TACC1: variants seen among roughly 807,000 people sequenced by gnomAD.
TACC1 encodes transforming acidic coiled-coil containing protein 1.
A neutral mutation model predicts 84.4 loss-of-function variants in TACC1; 48 were observed. That is an observed-to-expected ratio of 0.57 (90% CI 0.45 to 0.72). The LOEUF is 0.72. Ranked by LOEUF, TACC1 falls within the 30% of genes least tolerant of loss-of-function variation. The pLI is 0.00. For synonymous variants in TACC1, 372 were observed against 376.3 expected (o/e 0.99, Z 0.13); for missense variants, 920 against 973.0 (o/e 0.95, Z 0.72).
intron 2 of TACC1, among the ~76,000 whole-genome samples, chr8:38,809,465 T>C (rs1479324700): frequency 6.6e-6 from 1 of 152,076 alleles, no homozygotes; most frequent in African/African-American, 2.4e-5. Flanking sequence ...TTGGACGGCT[T>C]TGCCCCATCA....
intron 2 of TACC1, among the ~76,000 whole-genome samples, chr8:38,807,258 C>T (rs1169772736): frequency 6.6e-6 from 1 of 152,164 alleles, no homozygotes; most frequent in Non-Finnish European, 1.5e-5. Flanking sequence ...TTCCCATCTT[C>T]TAATCATGCA....
At chr8:38,768,300 C>G (rs1419601635) in intron 3 of TACC1, among the ~76,000 whole-genome samples, 1 of 152,128 alleles carries the variant, frequency 6.6e-6, no homozygotes, top group African/African-American at 2.4e-5. Flanking sequence ...CTTCTGCAGT[C>G]GTTCAGTGCT....
In TACC1 at chr8:38,820,651, C is replaced by G; in HGVS notation, c.1391+16C>G. ...GTTTAATAACGTGAGTGACAGTGGG[C>G]GCTGGGTGTCGTGCTCTGTGTCTTG... is the stretch of plus-strand genomic sequence containing the variant. On this transcript the variant is annotated intron_variant, in intron 3 of 12. Transcript: ENST00000317827. The G allele has an allele frequency of 6.3e-7, 1 of 1,590,150 alleles. No homozygotes were observed.
Position 38,851,729 on chromosome 8 carries a change from T to C in TACC1, c.*3706T>C, listed in dbSNP as rs950659008. ...GTTGTTAGGAAGATAGAAACTAGGT[T>C]TTGAAAGATTACATGATTCAAGCGA... On this transcript the variant is annotated 3_prime_UTR_variant, in exon 13 of 13. Coordinates refer to ENST00000317827, the MANE Select transcript of TACC1 (RefSeq NM_006283.3). 15 of 319,696 alleles carry C rather than the reference T, an allele frequency of 4.7e-5. No individual in the cohort carries two copies. The highest frequency in any genetic ancestry group is 2.6e-4 in the African/African-American group (12 of 46,204). The allele number at this position is 319,696 out of a possible 1,614,324, so 19.8% of individuals were successfully genotyped here. A position where few individuals can be genotyped will look rare whatever the true frequency, so the allele number is the denominator to read the frequency against.
At chr8:38,842,145 C>G (rs1588144330) in intron 9 of TACC1, 142 bp from the exon 10 acceptor site, 2 of 933,732 alleles carry the variant, frequency 2.1e-6, no homozygotes, top group East Asian at 2.5e-5. Flanking sequence ...CCACGCGTCT[C>G]CCCCAACTAG....
At chr8:38,732,186 G>GGAAA (rs1805084936) in intron 1 of TACC1, among the ~76,000 whole-genome samples, 1 of 127,084 alleles carries the variant, frequency 7.9e-6, no homozygotes, top group Non-Finnish European at 1.7e-5. Flanking sequence ...GGAAGGAAGA[G>GGAAA]GGAAAGGAAA....
intron 3 of TACC1, among the ~76,000 whole-genome samples, chr8:38,764,142 A>G (rs945960311): frequency 3.9e-5 from 6 of 152,064 alleles, no homozygotes; most frequent in Non-Finnish European, 4.4e-5. Context: ...CAATGGTGCA[A>G]TCTCAGCTCA....
chr8:38,787,814 CGT>C lies in TACC1; in HGVS notation c.161+79_161+80del, dbSNP rs1008929102. 3 of 1,361,392 alleles carry C rather than the reference CGT, an allele frequency of 2.2e-6. No individual in the cohort carries two copies. In the East Asian group the frequency reaches 8.9e-5, roughly 40 times the overall value. The allele number at this position is 1,361,392 out of a possible 1,614,324, so 84.3% of individuals were successfully genotyped here. ...ATCCATCTGCGACTCCCTCTGTGTG[CGT>C]GTGTGTGGTCGCCACCCGCGAAACC... On this transcript the variant is annotated intron_variant, in intron 1 of 12. Transcript: ENST00000317827.
chr8:38,769,479 G>C, intron 3 of TACC1, among the ~76,000 whole-genome samples: 1 of 148,644 alleles, frequency 6.7e-6, no homozygotes. Context: ...GTGTGAGACT[G>C]GGTATGGGTG....
chr8:38,809,540 G>A (rs967036845), intron 2 of TACC1, among the ~76,000 whole-genome samples: 1 of 152,140 alleles, frequency 6.6e-6, no homozygotes, highest in African/African-American at 2.4e-5. Flanking sequence ...AGCTGGTGGA[G>A]ATGATGGAGA....
intron 3 of TACC1, among the ~76,000 whole-genome samples, chr8:38,758,768 C>T (rs994747523): frequency 6.7e-6 from 1 of 149,630 alleles, no homozygotes; most frequent in Non-Finnish European, 1.5e-5. Flanking sequence ...TGTTATTTAA[C>T]CCCCAAGAGC....
At chr8:38,757,209 G>GGGCCC in intron 3 of TACC1, 26 of 262,206 alleles carry the variant, frequency 9.9e-5, no homozygotes, top group Non-Finnish European at 1.7e-4. Flanking sequence ...ACGGCCGGGC[G>GGGCCC]CCCCACCCCG....
intron 3 of TACC1, among the ~76,000 whole-genome samples, chr8:38,746,801 CA>C (rs1308285495): frequency 2.0e-5 from 3 of 151,978 alleles, no homozygotes; most frequent in African/African-American, 4.8e-5. Flanking sequence ...AACTATTAAA[CA>C]GTGCAGAATA....
intron 2 of TACC1, 115 bp downstream of exon 2, chr8:38,788,934 AAG>A (rs1817983418): frequency 2.4e-6 from 2 of 839,224 alleles, no homozygotes; most frequent in Non-Finnish European, 3.7e-6. Flanking sequence ...TTGACTAAGA[AAG>A]AGCTGTTTGA....
intron 3 of TACC1, among the ~76,000 whole-genome samples, chr8:38,769,189 G>A: frequency 6.8e-6 from 1 of 147,820 alleles, no homozygotes; most frequent in African/African-American, 2.5e-5. Context: ...ATGGGAGGGT[G>A]TGTGTGGTGT....
intron 2 of TACC1, among the ~76,000 whole-genome samples, chr8:38,810,992 C>T (rs1191103078): frequency 1.3e-5 from 2 of 151,972 alleles, no homozygotes; most frequent in Non-Finnish European, 2.9e-5. Context: ...TGGTGGTGTG[C>T]CTGTAGTCCC....
intron 3 of TACC1, among the ~76,000 whole-genome samples, chr8:38,767,238 G>A (rs946608363): frequency 2.6e-5 from 4 of 152,208 alleles, no homozygotes; most frequent in Admixed American, 6.5e-5. Flanking sequence ...GATGACTGAC[G>A]TTTCCTCTGC....
chr8:38,850,184 T>G lies in TACC1; in HGVS notation c.*2161T>G, dbSNP rs183097095. 2.6e-4 allele frequency: 39 copies of G among 152,714 alleles called. No homozygotes were observed. The highest frequency in any genetic ancestry group is 8.2e-4 in the African/African-American group (34 of 41,570). The allele number at this position is 152,714 out of a possible 1,614,324, so 9.5% of individuals were successfully genotyped here. A position where few individuals can be genotyped will look rare whatever the true frequency, so the allele number is the denominator to read the frequency against. On this transcript the variant is annotated 3_prime_UTR_variant, in exon 13 of 13. Transcript: ENST00000317827. ...AGACCCCTTAAGAACCTGACCCCAG[T>G]GAATGAAGCTGATGCACAGGGAGCA...
At chr8:38,783,956 C>T, upstream of TACC1, among the ~76,000 whole-genome samples, 1 of 152,200 alleles carries the variant, frequency 6.6e-6, no homozygotes, top group Admixed American at 6.5e-5. Context: ...TGAATGCGGT[C>T]AGATGCTGTT....
Sources: gnomAD v4.1 joint callset for allele counts (sites outside exome capture counted in the v4.1 genomes callset) on GRCh38, gnomAD v4.1.1 for gene constraint, MANE v1.5 for transcripts, NCBI Gene and HGNC (gene_info 2026-07-23, HGNC 2026-07-21) for gene names.